NCK2: variants seen among roughly 807,000 people sequenced by gnomAD.
The protein encoded by NCK2 is cytoplasmic protein NCK2.
A neutral mutation model predicts 33.9 loss-of-function variants in NCK2; 16 were observed. The observed-to-expected ratio is 0.47, with a 90% CI of 0.32 to 0.72. NCK2 has a LOEUF of 0.72. NCK2 is among the 30% of genes least tolerant of loss of function. The pLI is 0.03. For synonymous variants in NCK2, 273 were observed against 239.9 expected, an observed-to-expected ratio of 1.14 and a Z score of -1.27; for missense variants, 418 against 537.3, an observed-to-expected ratio of 0.78 and a Z score of 2.19.
At chr2:105,876,709 TTCTGTTACA>T (rs1308161306) in intron 3 of NCK2, among the ~76,000 whole-genome samples, 35 of 152,372 alleles carry the variant, frequency 2.3e-4, no homozygotes, top group African/African-American at 7.5e-4. Flanking sequence ...CAAATTGTGC[TTCTGTTACA>T]ACTGGAAGCA....
intron 1 of NCK2, among the ~76,000 whole-genome samples, chr2:105,774,272 G>C (rs1690233930): frequency 6.6e-6 from 1 of 152,066 alleles, no homozygotes; most frequent in Admixed American, 6.5e-5. Flanking sequence ...GTCCTCTAAA[G>C]TGCTGGGATT....
At chr2:105,745,868 C>A (rs1689269928) in intron 1 of NCK2, 1 of 152,200 alleles carries the variant, frequency 6.6e-6, no homozygotes, top group Non-Finnish European at 1.5e-5. Context: ...TCACCGAGTG[C>A]TTTTGGAAAA....
chr2:105,838,253 A>G (rs1676506496), intron 2 of NCK2, among the ~76,000 whole-genome samples: 1 of 151,938 alleles, frequency 6.6e-6, no homozygotes, highest in Non-Finnish European at 1.5e-5. Context: ...TTAAAATTAA[A>G]TTTTGGAGTT....
chr2:105,890,779 A>G (rs991294071), intron 4 of NCK2, among the ~76,000 whole-genome samples: 1 of 152,258 alleles, frequency 6.6e-6, no homozygotes, highest in African/African-American at 2.4e-5. Context: ...ATTGGTAGAA[A>G]TGGAGTGATT....
chr2:105,800,667 C>T (rs750471308), intron 1 of NCK2, among the ~76,000 whole-genome samples: 8 of 152,052 alleles, frequency 5.3e-5, no homozygotes, highest in Non-Finnish European at 8.8e-5. Flanking sequence ...ATAAATGGAC[C>T]GAGAGAGTGG....
chr2:105,811,848 C>G (rs2060037), intron 1 of NCK2, among the ~76,000 whole-genome samples: 142,097 of 152,196 alleles, frequency 0.93, 66,417 homozygotes, highest in East Asian at 1. Context: ...ATAGGGGTTT[C>G]GCCCATCGAT....
intron 4 of NCK2, among the ~76,000 whole-genome samples, chr2:105,891,688 G>C (rs1678993053): frequency 6.6e-6 from 1 of 151,716 alleles, no homozygotes; most frequent in Non-Finnish European, 1.5e-5. Flanking sequence ...TGGGATTACA[G>C]GCACACTACC....
intron 1 of NCK2, among the ~76,000 whole-genome samples, chr2:105,751,383 C>A (rs1689450633): frequency 6.6e-6 from 1 of 152,136 alleles, no homozygotes; most frequent in South Asian, 2.1e-4. Flanking sequence ...CAATCCATCC[C>A]AGGGTGACTG....
intron 3 of NCK2, among the ~76,000 whole-genome samples, chr2:105,869,812 TA>T (rs1677924284): frequency 6.6e-6 from 1 of 152,246 alleles, no homozygotes; most frequent in Admixed American, 6.5e-5. Flanking sequence ...TATTTTTAAT[TA>T]AAAATTATAA....
At chr2:105,762,023 G>C (rs544706392) in intron 1 of NCK2, among the ~76,000 whole-genome samples, 6 of 152,088 alleles carry the variant, frequency 3.9e-5, no homozygotes, top group African/African-American at 1.4e-4. Context: ...AAGTTTTTGC[G>C]TTGACTACAG....
At chr2:105,784,146 C>G (rs574550515) in intron 1 of NCK2, among the ~76,000 whole-genome samples, 1 of 152,324 alleles carries the variant, frequency 6.6e-6, no homozygotes, top group African/African-American at 2.4e-5. Context: ...CTCTGTCACC[C>G]AGGCTGGCGT....
intron 1 of NCK2, among the ~76,000 whole-genome samples, chr2:105,810,440 GA>G (rs1408736444): frequency 1.3e-5 from 2 of 152,090 alleles, no homozygotes; most frequent in Non-Finnish European, 2.9e-5. Context: ...CCTTCCTTCA[GA>G]AAAAGGGGGG....
At chr2:105,886,005 G>A (rs1425655814) in intron 4 of NCK2, among the ~76,000 whole-genome samples, 1 of 152,152 alleles carries the variant, frequency 6.6e-6, no homozygotes, top group African/African-American at 2.4e-5. Context: ...GATTGTCAGA[G>A]CAATGTGAAA....
intron 3 of NCK2, among the ~76,000 whole-genome samples, chr2:105,858,313 C>T (rs1677372132): frequency 6.6e-6 from 1 of 152,166 alleles, no homozygotes; most frequent in South Asian, 2.1e-4. Flanking sequence ...GGCTGGAGTG[C>T]AGTGGCACAA....
intron 2 of NCK2, among the ~76,000 whole-genome samples, chr2:105,823,522 C>G (rs921092039): frequency 6.6e-6 from 1 of 151,784 alleles, no homozygotes; most frequent in South Asian, 2.1e-4. Context: ...GTTCCTGGCT[C>G]CAGGATGTCA....
intron 1 of NCK2, among the ~76,000 whole-genome samples, chr2:105,806,905 C>A (rs1210757439): frequency 6.6e-6 from 1 of 152,204 alleles, no homozygotes; most frequent in Non-Finnish European, 1.5e-5. Context: ...TCTTTGTTCT[C>A]TACACTTGCA....
At chr2:105,852,010 T>C (rs1401800683) in intron 2 of NCK2, 1 of 152,216 alleles carries the variant, frequency 6.6e-6, no homozygotes, top group African/African-American at 2.4e-5. Flanking sequence ...CATTTCCTAG[T>C]TGTATGGGAA....
Position 105,893,543 on chromosome 2 carries a change from C to T in NCK2, c.*367C>T. ...GGCCACCCAGCGGCAGCGCCCGTGT[C>T]CTGGGCACTCAGCGTGCTGGGCAGA... On this transcript the variant is annotated 3_prime_UTR_variant, in exon 5 of 5. Transcript: ENST00000233154. The T allele has an allele frequency of 1.2e-5, 3 of 244,534 alleles. No homozygotes were observed. Among genetic ancestry groups the T allele is most frequent in the Non-Finnish European group, 2.5e-5 (3 of 120,156 alleles). 15.1% of individuals were successfully genotyped at this position (244,534 alleles called of 1,614,324 possible).
intron 3 of NCK2, among the ~76,000 whole-genome samples, chr2:105,869,206 T>C (rs371468157): frequency 1.3e-5 from 2 of 152,220 alleles, no homozygotes; most frequent in East Asian, 3.9e-4. Context: ...TGGAGCTTTT[T>C]AGGGAGGATA....
Sources: gnomAD v4.1 joint callset for allele counts (sites outside exome capture counted in the v4.1 genomes callset) on GRCh38, gnomAD v4.1.1 for gene constraint, MANE v1.5 for transcripts, NCBI Gene and HGNC (gene_info 2026-07-23, HGNC 2026-07-21) for gene names.